Variants in ERCC8 observed in about 807,000 individuals in gnomAD.
ERCC8 encodes the protein ERCC excision repair 8, CSA ubiquitin ligase complex subunit, also known as DNA excision repair protein ERCC-8.
ERCC8 carries 52 observed loss-of-function variants against 54.9 expected under a neutral mutation model. That is an observed-to-expected ratio of 0.95 (90% confidence interval 0.76 to 1.19). ERCC8 has a LOEUF of 1.19. Ranked by LOEUF, ERCC8 falls within the 50% of genes most tolerant of loss-of-function variation. ERCC8 has a pLI of 0.00. For synonymous variants in ERCC8, 146 were observed against 157.2 expected (o/e 0.93, Z 0.53); for missense variants, 514 against 466.1 (o/e 1.10, Z -0.95).
At chr5:60,878,516 T>C (rs925396339) in intron 11 of ERCC8, among the ~76,000 whole-genome samples, 2 of 152,222 alleles carry the variant, frequency 1.3e-5, no homozygotes, top group African/African-American at 4.8e-5. Context: ...TTTTTTTGGT[T>C]GGTAAGCTAT....
rs1747936912 is a variant in ERCC8 at position 60,874,457 on chromosome 5, G to A, written c.*158C>T. ...ATAAACTATACAGAAGTCTGTTTTAGGATTTTATGCAAATATTAACCTCAT... is the reference window on the plus strand; with the variant it reads ...ATAAACTATACAGAAGTCTGTTTTAAGATTTTATGCAAATATTAACCTCAT... On this transcript the variant is annotated 3_prime_UTR_variant, in exon 12 of 12. Coordinates refer to ENST00000676185, the MANE Select transcript of ERCC8 (RefSeq NM_000082.4). 1 of 672,730 alleles carries A rather than the reference G, an allele frequency of 1.5e-6. No homozygotes were observed. Among genetic ancestry groups the A allele is most frequent in the Non-Finnish European group, 2.6e-6 (1 of 388,402 alleles). 41.7% of individuals were successfully genotyped at this position (672,730 alleles called of 1,614,324 possible).
chr5:60,944,542 G>T (rs1750365925), intron 1 of ERCC8, among the ~76,000 whole-genome samples: 1 of 152,106 alleles, frequency 6.6e-6, no homozygotes, highest in Non-Finnish European at 1.5e-5. Flanking sequence ...CCTTTAATAG[G>T]CTGCCTGGCA....
intron 11 of ERCC8, among the ~76,000 whole-genome samples, chr5:60,879,029 C>T (rs1286237158): frequency 1.3e-5 from 2 of 152,142 alleles, no homozygotes; most frequent in Non-Finnish European, 2.9e-5. Flanking sequence ...GCCCTCTACA[C>T]ACTGCTTTGA....
rs1749389685 is a variant in ERCC8, at chr5:60,915,000, G to A, written c.399+3265C>T. Among the ~76,000 whole-genome samples the A allele has an allele frequency of 2.0e-5, 3 of 151,630 alleles. No individual in the cohort carries two copies. The South Asian group carries it at 6.2e-4, about 32-fold the overall frequency. ...ATTCTACATATTAATAGTTGATTTA[G>A]GATTTTTGTTATTTATATTTGTAAG... On this transcript the variant is annotated intron_variant, in intron 4 of 11. Coordinates refer to ENST00000676185, the MANE Select transcript of ERCC8 (RefSeq NM_000082.4).
chr5:60,940,202 TA>T (rs1231895336), intron 1 of ERCC8, among the ~76,000 whole-genome samples: 96 of 152,268 alleles, frequency 6.3e-4, no homozygotes, highest in Middle Eastern at 3.4e-3. Context: ...AATACTACTA[TA>T]AAAACTAAAC....
At chr5:60,941,464 T>C (rs1750255206) in intron 1 of ERCC8, among the ~76,000 whole-genome samples, 1 of 152,144 alleles carries the variant, frequency 6.6e-6, no homozygotes, top group Non-Finnish European at 1.5e-5. Context: ...TTTTTGTCAT[T>C]GGAGGTCTAG....
At chr5:60,877,501 C>A (rs1579981201) in intron 11 of ERCC8, among the ~76,000 whole-genome samples, 1 of 152,152 alleles carries the variant, frequency 6.6e-6, no homozygotes, top group African/African-American at 2.4e-5. Context: ...TTCTTCCTAC[C>A]CATGAGCATG....
At position 60,869,922 on chromosome 5, in the gene ERCC8, T is replaced by C. The variant is rs1380092644; in HGVS notation, c.*4693A>G. Among the ~76,000 whole-genome samples, 2 of 152,080 alleles carry C rather than the reference T, an allele frequency of 1.3e-5. No homozygotes were observed. The highest frequency in any genetic ancestry group is 2.4e-5 in the African/African-American group (1 of 41,414). ...CAAGACAGCGTGAAAGGAAAACATA[T>C]AAAATGTACAAGGCACTGGAGAGAA... On this transcript the variant is annotated 3_prime_UTR_variant, in exon 12 of 12. Transcript: ENST00000676185.
In ERCC8 at chr5:60,868,158, C is replaced by T. The variant is rs1747792143; in HGVS notation, c.*6457G>A. On this transcript the variant is annotated 3_prime_UTR_variant, in exon 12 of 12. Transcript: ENST00000676185. The stretch of plus-strand genomic sequence containing the variant: ...TCACACCATTGCCCTCCAGCCTGGG[C>T]AACAAGACGAAACTAGTTCTGTAAA... Among the ~76,000 whole-genome samples the T allele has an allele frequency of 6.6e-6, 1 of 152,180 alleles. No individual in the cohort carries two copies. Among genetic ancestry groups the T allele is most frequent in the Admixed American group, 6.5e-5 (1 of 15,274 alleles).
chr5:60,912,478 A>G (rs1749298125), intron 4 of ERCC8, among the ~76,000 whole-genome samples: 1 of 152,140 alleles, frequency 6.6e-6, no homozygotes, highest in Non-Finnish European at 1.5e-5. Flanking sequence ...TTATCAGCTT[A>G]AAGAGATTTT....
intron 11 of ERCC8, among the ~76,000 whole-genome samples, chr5:60,880,312 T>G (rs934520565): frequency 6.6e-6 from 1 of 152,218 alleles, no homozygotes; most frequent in African/African-American, 2.4e-5. Flanking sequence ...TTTCCTTCAT[T>G]TCAGCTTTAG....
At chr5:60,893,319 G>A (rs991903614) in intron 9 of ERCC8, 5 of 877,310 alleles carry the variant, frequency 5.7e-6, no homozygotes, top group South Asian at 1.3e-5. Flanking sequence ...TCCTCCTGGC[G>A]TCTTAGGATA....
intron 1 of ERCC8, among the ~76,000 whole-genome samples, chr5:60,930,118 A>G (rs1034367095): frequency 6.6e-6 from 1 of 152,194 alleles, no homozygotes; most frequent in East Asian, 1.9e-4. Context: ...TGTCTTCTAG[A>G]CATTACATAT....
intron 4 of ERCC8, chr5:60,907,319 T>G (rs536014439): frequency 3.3e-5 from 5 of 152,098 alleles, no homozygotes; most frequent in Non-Finnish European, 4.4e-5. Flanking sequence ...CTTATCCTTT[T>G]TCCTTCTTCA....
At chr5:60,939,942 G>T (rs543806770) in intron 1 of ERCC8, among the ~76,000 whole-genome samples, 43 of 152,064 alleles carry the variant, frequency 2.8e-4, no homozygotes, top group Admixed American at 2.3e-3. Flanking sequence ...ATACTTTTAT[G>T]TCTTTTTTAT....
At chr5:60,932,242 T>C (rs1270048636) in intron 1 of ERCC8, 1 of 152,048 alleles carries the variant, frequency 6.6e-6, no homozygotes, top group African/African-American at 2.4e-5. Flanking sequence ...GTACAAAACA[T>C]AGGTTAACAT....
intron 4 of ERCC8, among the ~76,000 whole-genome samples, chr5:60,911,123 C>G (rs1013919566): frequency 1.3e-5 from 2 of 152,046 alleles, no homozygotes; most frequent in Non-Finnish European, 2.9e-5. Context: ...AGGTTTGTTA[C>G]ATAGGTATAT....
At chr5:60,902,342 ATAAT>A (rs1016643914) in intron 7 of ERCC8, 96 bp downstream of exon 7, 1 of 871,382 alleles carries the variant, frequency 1.1e-6, no homozygotes, top group South Asian at 1.6e-5. Context: ...GAGTGAATTA[ATAAT>A]TAAATATGCT....
chr5:60,918,979 T>A (rs1186029178), intron 3 of ERCC8, among the ~76,000 whole-genome samples: 42 of 152,002 alleles, frequency 2.8e-4, no homozygotes, highest in Non-Finnish European at 1.0e-4. Flanking sequence ...GTGAGGGTGG[T>A]ATGCTGTCCT....
Sources: allele counts gnomAD v4.1 joint callset (sites outside exome capture counted in the v4.1 genomes callset), GRCh38; gene constraint gnomAD v4.1.1; transcripts MANE v1.5; gene names NCBI Gene and HGNC (gene_info 2026-07-23, HGNC 2026-07-21).